Variants in TBC1D8 observed in about 807,000 individuals in gnomAD.
TBC1D8 encodes the protein BUB2-like protein 1.
In TBC1D8, 65 loss-of-function variants were observed where a neutral mutation model predicts 118.8. The observed-to-expected ratio is 0.55, with a 90% CI of 0.45 to 0.67. TBC1D8 has a LOEUF of 0.67. Among genes scored for constraint, TBC1D8 ranks in the 30% least tolerant of loss-of-function variants. The pLI is 0.00. For missense variants in TBC1D8, 1,376 were observed against 1,471.2 expected (o/e 0.94, Z 1.06); for synonymous variants, 566 against 595.8 (o/e 0.95, Z 0.73).
chr2:101,011,293 G>A (rs1679189595), intron 18 of TBC1D8, 158 bp downstream of exon 18: 2 of 781,802 alleles, frequency 2.6e-6, no homozygotes, highest in South Asian at 1.8e-5. Flanking sequence ...CCCCCACTAG[G>A]AGCACTTCTG....
At chr2:101,107,954 G>A (rs962110953) in intron 1 of TBC1D8, among the ~76,000 whole-genome samples, 11 of 152,078 alleles carry the variant, frequency 7.2e-5, no homozygotes, top group Admixed American at 1.3e-4. Context: ...AGCTACTCAG[G>A]AGGCTGAGGT....
chr2:101,117,827 G>A lies in TBC1D8; in HGVS notation c.128-27463C>T, dbSNP rs1411808556. 4.0e-5 allele frequency among the ~76,000 whole-genome samples: 6 copies of A among 150,820 alleles called. No individual in the cohort carries two copies. In the East Asian group the frequency reaches 7.8e-4, roughly 20 times the overall value. On this transcript the variant is annotated intron_variant, in intron 1 of 19. Transcript: ENST00000409318. The stretch of plus-strand genomic sequence containing the variant: ...CCTGATCTTGTGATCCGCCCGGCTC[G>A]GCCTCCCAAAGTGCTGGGATTACAG...
rs191385086 is a variant in TBC1D8, at chr2:101,026,132, A to C, written c.2520+1251T>G. Among the ~76,000 whole-genome samples, 462 of 152,332 alleles carry C rather than the reference A, an allele frequency of 3.0e-3. 1 individual carries two copies. The highest frequency in any genetic ancestry group is 0.011 in the African/African-American group (439 of 41,568). ...ATTGTGAATTTAAAGCCATCCTTTA[A>C]ATTACATAAATTCCGACATGCGATA... On this transcript the variant is annotated intron_variant, in intron 15 of 19. Coordinates refer to ENST00000409318, the MANE Select transcript of TBC1D8 (RefSeq NM_001330348.2).
chr2:101,019,421 A>G (rs1012932769), intron 17 of TBC1D8: 1 of 159,976 alleles, frequency 6.3e-6, no homozygotes, highest in African/African-American at 2.4e-5. Context: ...TTTAAATGAA[A>G]AAAACTTAGA....
intron 1 of TBC1D8, among the ~76,000 whole-genome samples, chr2:101,117,839 T>G (rs1473205084): frequency 6.6e-6 from 1 of 150,404 alleles, no homozygotes; most frequent in Admixed American, 6.6e-5. Flanking sequence ...CCTCCCAAAG[T>G]GCTGGGATTA....
chr2:101,107,140 G>A (rs1319704791), intron 1 of TBC1D8, among the ~76,000 whole-genome samples: 1 of 152,200 alleles, frequency 6.6e-6, no homozygotes, highest in African/African-American at 2.4e-5. Context: ...CACTTCTGCA[G>A]TAGGAGCTTA....
chr2:101,046,119 C>A (rs1320933223), intron 5 of TBC1D8, among the ~76,000 whole-genome samples: 1 of 152,154 alleles, frequency 6.6e-6, no homozygotes, highest in African/African-American at 2.4e-5. Flanking sequence ...TAAAATATTT[C>A]ATTTCTCAAA....
At chr2:101,046,676 G>A (rs1681725120) in intron 5 of TBC1D8, among the ~76,000 whole-genome samples, 1 of 152,120 alleles carries the variant, frequency 6.6e-6, no homozygotes, top group African/African-American at 2.4e-5. Context: ...CAGGAAAAGG[G>A]AGAGTGGGGG....
chr2:101,018,447 C>G (rs945984202), intron 17 of TBC1D8: 9 of 156,788 alleles, frequency 5.7e-5, no homozygotes, highest in Non-Finnish European at 9.9e-5. Context: ...AACTTCTTGA[C>G]AGAACTCATC....
intron 1 of TBC1D8, among the ~76,000 whole-genome samples, chr2:101,123,683 C>A (rs1252967765): frequency 6.6e-6 from 1 of 152,196 alleles, no homozygotes; most frequent in Non-Finnish European, 1.5e-5. Flanking sequence ...TATACTGTCA[C>A]AGATATAGGT....
At chr2:101,093,336 C>A (rs925186965) in intron 1 of TBC1D8, among the ~76,000 whole-genome samples, 2 of 152,140 alleles carry the variant, frequency 1.3e-5, no homozygotes, top group Admixed American at 6.5e-5. Context: ...CAACTGCATA[C>A]GCATTTACAT....
At chr2:101,039,061 C>T (rs1476125466) in intron 6 of TBC1D8, among the ~76,000 whole-genome samples, 1 of 152,014 alleles carries the variant, frequency 6.6e-6, no homozygotes, top group Non-Finnish European at 1.5e-5. Flanking sequence ...TTGCTAGGGG[C>T]TGGGGGAAGG....
intron 2 of TBC1D8, among the ~76,000 whole-genome samples, chr2:101,071,718 G>GA (rs940388898): frequency 8.6e-5 from 13 of 150,858 alleles, no homozygotes; most frequent in South Asian, 4.2e-4. Context: ...AGTTTGCAGG[G>GA]AAAAAAAAAG....
chr2:101,141,587 G>A (rs992800855), intron 1 of TBC1D8, among the ~76,000 whole-genome samples: 16 of 151,848 alleles, frequency 1.1e-4, no homozygotes, highest in African/African-American at 3.9e-4. Flanking sequence ...TCTTAAACAA[G>A]TAACAAAAAG....
intron 4 of TBC1D8, 85 bp downstream of exon 4, chr2:101,054,023 C>T: frequency 8.0e-7 from 1 of 1,244,694 alleles, no homozygotes; most frequent in Non-Finnish European, 1.1e-6. Flanking sequence ...CTGTCCAACT[C>T]TTCCTGTTAA....
chr2:101,127,521 A>C (rs10173620), intron 1 of TBC1D8, among the ~76,000 whole-genome samples: 2,651 of 152,152 alleles, frequency 0.017, 79 homozygotes, highest in African/African-American at 0.059. Flanking sequence ...CTCTGCAATC[A>C]AAAGAAGGCT....
intron 2 of TBC1D8, among the ~76,000 whole-genome samples, chr2:101,088,214 G>T (rs1675762440): frequency 6.6e-6 from 1 of 152,116 alleles, no homozygotes; most frequent in African/African-American, 2.4e-5. Context: ...GTTACTTTGG[G>T]TGGCTGGGAT....
chr2:101,080,617 C>T (rs1205427936), intron 2 of TBC1D8, among the ~76,000 whole-genome samples: 3 of 152,156 alleles, frequency 2.0e-5, no homozygotes, highest in Non-Finnish European at 2.9e-5. Flanking sequence ...GCAGTGTTAC[C>T]GATGCCTGAA....
At chr2:101,032,227 T>G (rs1680709229) in intron 11 of TBC1D8, 41 bp downstream of exon 11, 1 of 1,569,644 alleles carries the variant, frequency 6.4e-7, no homozygotes, top group African/African-American at 1.4e-5. Context: ...GCTCTGTCAC[T>G]CTTCCCCAGA....
Sources: gnomAD v4.1 joint callset for allele counts (sites outside exome capture counted in the v4.1 genomes callset) on GRCh38, gnomAD v4.1.1 for gene constraint, MANE v1.5 for transcripts, NCBI Gene and HGNC (gene_info 2026-07-23, HGNC 2026-07-21) for gene names.